The following UXS1 variants were observed in gnomAD, a reference collection of about 807,000 sequenced individuals.
UXS1 encodes the protein UDP-glucuronic acid decarboxylase 1.
In UXS1, 33 loss-of-function variants were observed where a neutral mutation model predicts 62.6. The ratio of observed to expected loss-of-function variants is 0.53; its 90% CI spans 0.40 to 0.70. The LOEUF is 0.70. UXS1 is among the 30% of genes least tolerant of loss of function. The pLI, the probability that UXS1 is intolerant of heterozygous loss-of-function variation, is 0.00. For synonymous variants in UXS1, 213 were observed against 206.8 expected (o/e 1.03, Z -0.26); for missense variants, 434 against 556.3 (o/e 0.78, Z 2.21).
Position 106,194,231 on chromosome 2 carries a change from T to G in UXS1, c.11A>C (p.Lys4Thr), listed in dbSNP as rs1480655092. Reference protein sequence around the residue: MVSKALLRLVSAVN... With the variant: MVSTALLRLVSAVN... ...GGCAGACACGAGGCGCAGCAGCGCC[T>G]TGCTCACCATCCCCGGGAGCCGCGC... Residue 4 changes from lysine to threonine, a missense_variant, in exon 1 of 15, where the codon AAG becomes ACG. This residue lies in a region of UXS1 where 91 missense variants were observed against 71.1 expected (regional missense o/e 1.28). Transcript: ENST00000283148. 6.9e-7 allele frequency: 1 copy of G among 1,445,058 alleles called. No individual in the cohort carries two copies. Among genetic ancestry groups the G allele is most frequent in the Non-Finnish European group, 9.1e-7 (1 of 1,093,786 alleles). The allele number at this position is 1,445,058 out of a possible 1,614,324, so 89.5% of individuals were successfully genotyped here. A position where few individuals can be genotyped will look rare whatever the true frequency, so the allele number is the denominator to read the frequency against.
intron 9 of UXS1, among the ~76,000 whole-genome samples, chr2:106,119,743 T>C (rs1172693254): frequency 6.6e-6 from 1 of 152,210 alleles, no homozygotes; most frequent in Non-Finnish European, 1.5e-5. Flanking sequence ...AGACCCAATG[T>C]GGCAGGAGGT....
intron 5 of UXS1, among the ~76,000 whole-genome samples, chr2:106,147,621 C>T (rs1358789874): frequency 6.6e-6 from 1 of 152,176 alleles, no homozygotes; most frequent in East Asian, 1.9e-4. Context: ...CTTAACCCGC[C>T]TATACCTGTG....
intron 5 of UXS1, among the ~76,000 whole-genome samples, chr2:106,152,328 T>A (rs1682084461): frequency 1.3e-5 from 2 of 152,096 alleles, no homozygotes; most frequent in Non-Finnish European, 2.9e-5. Context: ...GGAGCACACC[T>A]GTAATCCCAG....
intron 5 of UXS1, among the ~76,000 whole-genome samples, chr2:106,147,488 G>C (rs945171748): frequency 2.0e-5 from 3 of 151,914 alleles, no homozygotes; most frequent in Non-Finnish European, 4.4e-5. Flanking sequence ...CAATTACAAA[G>C]TAAAAAATCT....
intron 9 of UXS1, among the ~76,000 whole-genome samples, chr2:106,121,674 TA>T (rs1392065328): frequency 6.6e-6 from 1 of 152,246 alleles, no homozygotes; most frequent in Non-Finnish European, 1.5e-5. Flanking sequence ...AGGAAGTGGA[TA>T]ATGTAAGCCA....
chr2:106,177,982 C>T (rs1683997217), intron 1 of UXS1, among the ~76,000 whole-genome samples: 1 of 152,210 alleles, frequency 6.6e-6, no homozygotes, highest in Non-Finnish European at 1.5e-5. Flanking sequence ...GAAGACATTC[C>T]ACATTTTAGT....
rs766506940 is a variant in UXS1 at position 106,164,720 on chromosome 2, T to C, written c.186+16A>G. On this transcript the variant is annotated intron_variant, in intron 3 of 14. Coordinates refer to ENST00000283148, the MANE Select transcript of UXS1 (RefSeq NM_001253875.2). ...TATACAGATGAAATAGATACAAAAATAGAAAAAAGACTAACCTCTTCAATC... is the reference window on the plus strand; with the variant it reads ...TATACAGATGAAATAGATACAAAAACAGAAAAAAGACTAACCTCTTCAATC... The C allele has an allele frequency of 1.3e-6, 2 of 1,542,878 alleles. No individual in the cohort carries two copies. Among genetic ancestry groups the C allele is most frequent in the African/African-American group, 1.4e-5 (1 of 72,932 alleles).
Position 106,101,094 on chromosome 2 carries a change from A to G in UXS1, c.948T>C (p.Ala316=), listed in dbSNP as rs747196844. ...GGCTGCTGACGTTGCTGTTCATGAG[A>G]GCCACGAGGCCATTCACTAGATCGC... ...YVSDLVNGLV[A]LMNSNVSSPV... The change falls in exon 12 of 15, where the codon GCT becomes GCC. Residue 316 remains alanine (A), a synonymous_variant. Coordinates refer to ENST00000283148, the MANE Select transcript of UXS1 (RefSeq NM_001253875.2). 3 of 1,613,858 alleles carry G rather than the reference A, an allele frequency of 1.9e-6. No individual in the cohort carries two copies. The highest frequency in any genetic ancestry group is 2.5e-6 in the Non-Finnish European group (3 of 1,179,868).
At chr2:106,170,293 A>G (rs904668450) in intron 1 of UXS1, among the ~76,000 whole-genome samples, 2 of 152,116 alleles carry the variant, frequency 1.3e-5, no homozygotes, top group Non-Finnish European at 2.9e-5. Context: ...TTCTCCAGAA[A>G]GCACCTTCAA....
chr2:106,165,524 T>C (rs1274558677), intron 2 of UXS1, among the ~76,000 whole-genome samples: 1 of 146,964 alleles, frequency 6.8e-6, no homozygotes, highest in Non-Finnish European at 1.5e-5. Flanking sequence ...TTAAAGGCTA[T>C]TTTTTTTTAT....
chr2:106,122,935 C>T (rs777012023), intron 9 of UXS1, 35 bp downstream of exon 9: 26 of 1,610,884 alleles, frequency 1.6e-5, no homozygotes, highest in East Asian at 1.3e-4. Context: ...GTGCTCAGCA[C>T]GCCTAAACCG....
intron 13 of UXS1, chr2:106,097,770 GTGATCTGAGCC>G (rs1474018830): frequency 1.2e-5 from 2 of 164,388 alleles, no homozygotes; most frequent in African/African-American, 4.8e-5. Context: ...GCACAGAGCT[GTGATCTGAGCC>G]TGCCCCTTCC....
intron 6 of UXS1, 99 bp downstream of exon 6, chr2:106,145,091 C>A (rs1295044794): frequency 2.3e-6 from 3 of 1,326,648 alleles, no homozygotes; most frequent in Non-Finnish European, 3.1e-6. Context: ...ACATAGCTTT[C>A]AATGTGCTGA....
At chr2:106,116,148 G>C (rs566265757) in intron 9 of UXS1, among the ~76,000 whole-genome samples, 2 of 152,264 alleles carry the variant, frequency 1.3e-5, no homozygotes, top group African/African-American at 2.4e-5. Context: ...GAGTAATGAA[G>C]GTACAGGGAT....
At chr2:106,117,183 T>A (rs541111418) in intron 9 of UXS1, among the ~76,000 whole-genome samples, 1 of 152,314 alleles carries the variant, frequency 6.6e-6, no homozygotes, top group Admixed American at 6.5e-5. Context: ...CTGTGAGAGG[T>A]TGGCATACTG....
intron 1 of UXS1, among the ~76,000 whole-genome samples, chr2:106,177,392 C>T (rs566447382): frequency 2.0e-5 from 3 of 152,090 alleles, no homozygotes; most frequent in East Asian, 1.9e-4. Context: ...GATGGGGTTT[C>T]GCCATGTTGG....
At chr2:106,153,298 T>A (rs1291374195) in intron 5 of UXS1, among the ~76,000 whole-genome samples, 1 of 152,056 alleles carries the variant, frequency 6.6e-6, no homozygotes, top group Admixed American at 6.5e-5. Context: ...TGTTGAAAAA[T>A]AAAGCAATTA....
At chr2:106,144,563 T>A (rs1382314942) in intron 6 of UXS1, among the ~76,000 whole-genome samples, 2 of 152,354 alleles carry the variant, frequency 1.3e-5, no homozygotes, top group East Asian at 1.9e-4. Context: ...ACAAAACCAT[T>A]GGTATTTCTC....
chr2:106,173,379 C>A (rs554249308), intron 1 of UXS1, among the ~76,000 whole-genome samples: 1 of 152,224 alleles, frequency 6.6e-6, no homozygotes, highest in African/African-American at 2.4e-5. Context: ...ATGGTGAAAT[C>A]CTGTCTCTAC....
Sources: gnomAD v4.1 joint callset for allele counts (sites outside exome capture counted in the v4.1 genomes callset) on GRCh38, gnomAD v4.1.1 for gene constraint, gnomAD v4.1.1 regional missense constraint, MANE v1.5 for transcripts, NCBI Gene and HGNC (gene_info 2026-07-23, HGNC 2026-07-21) for gene names.